The following GABPB1 variants were observed in gnomAD, a reference collection of about 807,000 sequenced individuals.
The protein encoded by GABPB1 is GA-binding protein subunit beta-1.
A neutral mutation model predicts 45.9 loss-of-function variants in GABPB1; 15 were observed. The observed-to-expected ratio is 0.33, with a 90% CI of 0.22 to 0.50. The LOEUF (loss-of-function observed/expected upper bound fraction) is 0.50. Ranked by LOEUF, GABPB1 falls within the 20% of genes least tolerant of loss-of-function variation. The pLI, the probability that GABPB1 is intolerant of heterozygous loss-of-function variation, is 0.98. For missense variants in GABPB1, 252 were observed against 457.5 expected (o/e 0.55, Z 4.10); for synonymous variants, 143 against 154.4 (o/e 0.93, Z 0.55).
intron 1 of GABPB1, among the ~76,000 whole-genome samples, chr15:50,341,273 C>CA (rs2048366948): frequency 1.3e-5 from 2 of 152,244 alleles, no homozygotes; most frequent in East Asian, 3.9e-4. Flanking sequence ...GTGGCTCACA[C>CA]CTGTAATCCC....
intron 1 of GABPB1, among the ~76,000 whole-genome samples, chr15:50,319,263 A>AT (rs138520775): frequency 6.6e-6 from 1 of 152,022 alleles, no homozygotes; most frequent in African/African-American, 2.4e-5. Context: ...TGCACATATA[A>AT]TTTTTTCTTC....
At chr15:50,302,669 AG>A (rs1295245811) in intron 4 of GABPB1, among the ~76,000 whole-genome samples, 1 of 147,784 alleles carries the variant, frequency 6.8e-6, no homozygotes, top group East Asian at 2.0e-4. Flanking sequence ...AAAAAAAAAA[AG>A]GTCTAAAGGG....
intron 1 of GABPB1, among the ~76,000 whole-genome samples, chr15:50,339,500 G>C (rs1352008071): frequency 8.7e-6 from 1 of 114,920 alleles, no homozygotes; most frequent in African/African-American, 3.2e-5. Context: ...CTCCACCTTG[G>C]AAAAAAAAAA....
chr15:50,337,129 A>ATATATATATATAT (rs1173961008), intron 1 of GABPB1, among the ~76,000 whole-genome samples: 29 of 10,526 alleles, frequency 2.8e-3, no homozygotes, highest in African/African-American at 0.012. Flanking sequence ...ATATATATAT[A>ATATATATATATAT]ATATGAAGAG....
At chr15:50,354,348 G>C (rs1451116369) in intron 1 of GABPB1, 2 of 447,586 alleles carry the variant, frequency 4.5e-6, no homozygotes, top group Non-Finnish European at 9.0e-6. Flanking sequence ...GTCGCTGCGG[G>C]GGCCCCGCGC....
At chr15:50,316,789 G>A (rs2047346234) in intron 1 of GABPB1, among the ~76,000 whole-genome samples, 1 of 152,006 alleles carries the variant, frequency 6.6e-6, no homozygotes, top group Non-Finnish European at 1.5e-5. Context: ...GAATACTGTA[G>A]TGATTTATTT....
At chr15:50,288,082 C>T (rs2046226339) in intron 7 of GABPB1, among the ~76,000 whole-genome samples, 1 of 152,156 alleles carries the variant, frequency 6.6e-6, no homozygotes, top group Non-Finnish European at 1.5e-5. Flanking sequence ...GACAGGGTCT[C>T]GCTCTGTCAT....
At chr15:50,348,180 T>C (rs1046210472) in intron 1 of GABPB1, among the ~76,000 whole-genome samples, 1 of 152,348 alleles carries the variant, frequency 6.6e-6, no homozygotes, top group Admixed American at 6.5e-5. Flanking sequence ...TTCTACATTA[T>C]GTAATATAAT....
intron 1 of GABPB1, among the ~76,000 whole-genome samples, chr15:50,337,269 A>G (rs2048182923): frequency 6.6e-6 from 1 of 151,356 alleles, no homozygotes; most frequent in African/African-American, 2.4e-5. Flanking sequence ...AGGTGACAGA[A>G]CAGCAAGTTT....
chr15:50,329,595 C>T (rs1327267784), intron 1 of GABPB1, among the ~76,000 whole-genome samples: 1 of 152,118 alleles, frequency 6.6e-6, no homozygotes, highest in Non-Finnish European at 1.5e-5. Context: ...AATAGTTTTT[C>T]TCCATGTATT....
chr15:50,320,525 G>A (rs1178029541), intron 1 of GABPB1, among the ~76,000 whole-genome samples: 1 of 152,142 alleles, frequency 6.6e-6, no homozygotes, highest in Non-Finnish European at 1.5e-5. Context: ...TCTTTTTAGT[G>A]GCTGCACAGT....
rs2045866200 is a variant in GABPB1 at position 50,277,803 on chromosome 15, C to T, written c.*829G>A. The T allele has an allele frequency of 6.6e-6, 1 of 152,508 alleles. No homozygotes were observed. The highest frequency in any genetic ancestry group is 2.1e-4 in the South Asian group (1 of 4,822). The allele number at this position is 152,508 out of a possible 1,614,324, so 9.4% of individuals were successfully genotyped here. On this transcript the variant is annotated 3_prime_UTR_variant, in exon 9 of 9. Coordinates refer to ENST00000380877, the MANE Select transcript of GABPB1 (RefSeq NM_016654.5). ...TTTCACGTCCCCACTCTTAAATTTT[C>T]AAAAAAGCACAGATTTTGCAGAATT... is the stretch of plus-strand genomic sequence containing the variant.
chr15:50,317,848 G>A (rs765984685), intron 1 of GABPB1, among the ~76,000 whole-genome samples: 5 of 151,378 alleles, frequency 3.3e-5, no homozygotes, highest in Admixed American at 6.6e-5. Context: ...GGCGGAGCTT[G>A]CAGTGAGCCG....
At chr15:50,331,312 C>T (rs773815441) in intron 1 of GABPB1, among the ~76,000 whole-genome samples, 2 of 152,174 alleles carry the variant, frequency 1.3e-5, no homozygotes, top group Non-Finnish European at 2.9e-5. Context: ...GTGTAGAACC[C>T]TTAGTGGCAA....
intron 1 of GABPB1, among the ~76,000 whole-genome samples, chr15:50,317,822 T>C (rs897955720): frequency 2.7e-5 from 4 of 150,158 alleles, no homozygotes; most frequent in African/African-American, 9.8e-5. Flanking sequence ...GGCAGGAGAA[T>C]GGCGCGAACC....
At chr15:50,313,715 A>C (rs143784827) in intron 1 of GABPB1, among the ~76,000 whole-genome samples, 1,726 of 152,236 alleles carry the variant, frequency 0.011, 9 homozygotes, top group Non-Finnish European at 0.019. Flanking sequence ...AAAAGATATA[A>C]ATCTTTTTAA....
At chr15:50,346,260 G>A (rs1265706256) in intron 1 of GABPB1, 1 of 152,178 alleles carries the variant, frequency 6.6e-6, no homozygotes, top group African/African-American at 2.4e-5. Flanking sequence ...GAAGGAATAT[G>A]AGACAACAGA....
chr15:50,326,061 C>T (rs1013742091), intron 1 of GABPB1, among the ~76,000 whole-genome samples: 1 of 57,092 alleles, frequency 1.8e-5, no homozygotes, highest in Admixed American at 1.9e-4. Flanking sequence ...GCGCCCACCA[C>T]CACGCCCAGC....
At chr15:50,316,484 A>G (rs956132988) in intron 1 of GABPB1, among the ~76,000 whole-genome samples, 3 of 152,180 alleles carry the variant, frequency 2.0e-5, no homozygotes, top group Non-Finnish European at 2.9e-5. Flanking sequence ...GCCTTTACTC[A>G]CATTAAAAAT....
Sources: gnomAD v4.1 joint callset for allele counts (sites outside exome capture counted in the v4.1 genomes callset) on GRCh38, gnomAD v4.1.1 for gene constraint, MANE v1.5 for transcripts, NCBI Gene and HGNC (gene_info 2026-07-23, HGNC 2026-07-21) for gene names.